Variants in GRAMD1B observed in about 807,000 individuals in gnomAD.
GRAMD1B encodes protein Aster-B.
GRAMD1B carries 37 observed loss-of-function variants against 99.7 expected under a neutral mutation model. The ratio of observed to expected loss-of-function variants is 0.37; its 90% CI spans 0.29 to 0.49. GRAMD1B has a LOEUF of 0.49. Ranked by LOEUF, GRAMD1B falls within the 20% of genes least tolerant of loss-of-function variation. GRAMD1B has a pLI of 0.98. For synonymous variants in GRAMD1B, 427 were observed against 387.6 expected (o/e 1.10, Z -1.19); for missense variants, 888 against 1,009.2 (o/e 0.88, Z 1.63).
At position 123,614,957 on chromosome 11, in the gene GRAMD1B, C is replaced by T. The variant is rs986306199; in HGVS notation, c.2318+122C>T. 6.9e-6 allele frequency: 4 copies of T among 581,898 alleles called. No homozygotes were observed. The African/African-American group carries it at 7.4e-5, about 11-fold the overall frequency. 36.0% of individuals were successfully genotyped at this position (581,898 alleles called of 1,614,324 possible). Reference sequence around the variant, plus strand: ...CTGTTTGCCCTGGTTTTTGCCTTATCCTCTAGTCTTCTCTGTCTGGATTGG... The same window carrying T: ...CTGTTTGCCCTGGTTTTTGCCTTATTCTCTAGTCTTCTCTGTCTGGATTGG... On this transcript the variant is annotated intron_variant, in intron 17 of 19. Transcript: ENST00000635736.
chr11:123,482,887 C>T (rs1401756861), intron 2 of GRAMD1B, among the ~76,000 whole-genome samples: 5 of 152,044 alleles, frequency 3.3e-5, no homozygotes, highest in Admixed American at 2.0e-4. Flanking sequence ...GGGGAAGCCC[C>T]GTCTCTACTA....
chr11:123,607,208 G>A (rs561688809), intron 11 of GRAMD1B, among the ~76,000 whole-genome samples: 1 of 152,186 alleles, frequency 6.6e-6, no homozygotes, highest in Non-Finnish European at 1.5e-5. Flanking sequence ...TTGCTGCATG[G>A]GGTATTTAGG....
At chr11:123,400,976 C>G (rs1565474895) in intron 1 of GRAMD1B, among the ~76,000 whole-genome samples, 1 of 152,120 alleles carries the variant, frequency 6.6e-6, no homozygotes, top group Non-Finnish European at 1.5e-5. Flanking sequence ...AAGCTAGTAC[C>G]TGAACTCAGA....
chr11:123,603,603 G>T lies in GRAMD1B; in HGVS notation c.1166+62G>T, dbSNP rs1479723273. The T allele has an allele frequency of 5.8e-5, 53 of 911,388 alleles. No individual in the cohort carries two copies. The South Asian group carries it at 6.9e-4, about 12-fold the overall frequency. 56.5% of individuals were successfully genotyped at this position (911,388 alleles called of 1,614,324 possible). The stretch of plus-strand genomic sequence containing the variant: ...GTGCGAGTGCCTGCAGGAAGAACCT[G>T]CCAGGCAGAGGGAACAGCACACATG... On this transcript the variant is annotated intron_variant, in intron 9 of 19. Coordinates refer to ENST00000635736, the MANE Select transcript of GRAMD1B (RefSeq NM_001387025.1).
At chr11:123,476,505 C>T (rs755738605) in intron 1 of GRAMD1B, among the ~76,000 whole-genome samples, 1 of 152,178 alleles carries the variant, frequency 6.6e-6, no homozygotes, top group Non-Finnish European at 1.5e-5. Flanking sequence ...CTGTATATAC[C>T]CTATGCCTGT....
At chr11:123,586,243 C>G (rs769759115) in intron 4 of GRAMD1B, among the ~76,000 whole-genome samples, 27 of 152,158 alleles carry the variant, frequency 1.8e-4, no homozygotes, top group Admixed American at 4.6e-4. Context: ...GTGACGGAGT[C>G]CTGCTTTCTG....
Position 123,432,548 on chromosome 11 carries a change from T to C in GRAMD1B, c.374+1382T>C, listed in dbSNP as rs540786123. 1.0e-4 allele frequency among the ~76,000 whole-genome samples: 12 copies of C among 118,918 alleles called. No homozygotes were observed. The South Asian group carries it at 3.5e-3, about 35-fold the overall frequency. 78.0% of individuals were successfully genotyped at this position (118,918 alleles called of 152,430 possible). On this transcript the variant is annotated intron_variant, in intron 1 of 19. Transcript: ENST00000635736. ...TCCAGCCTGGGCCACAGAGTGAGAC[T>C]CTGTCTCAAAAAAAAAAAAAAAAAT...
intron 2 of GRAMD1B, among the ~76,000 whole-genome samples, chr11:123,547,943 TC>T (rs1284199536): frequency 2.0e-5 from 3 of 152,208 alleles, no homozygotes; most frequent in Non-Finnish European, 1.5e-5. Flanking sequence ...ACTTTCACAC[TC>T]CTGCATTTGT....
chr11:123,543,771 C>G (rs1292042916), intron 2 of GRAMD1B, among the ~76,000 whole-genome samples: 6 of 152,312 alleles, frequency 3.9e-5, no homozygotes, highest in Non-Finnish European at 7.3e-5. Flanking sequence ...CTGATGCCAT[C>G]CTTTATCTCA....
At position 123,510,941 on chromosome 11, in the gene GRAMD1B, G is replaced by A. The variant is rs1940937296; in HGVS notation, c.452+30048G>A. Among the ~76,000 whole-genome samples, 1 of 152,134 alleles carries A rather than the reference G, an allele frequency of 6.6e-6. No individual in the cohort carries two copies. The highest frequency in any genetic ancestry group is 2.1e-4 in the South Asian group (1 of 4,822). ...TGGAAGTCGGAGTGGGTGGATGAGG[G>A]GTGCAGGGTGGGGGGTGGAGGTATC... On this transcript the variant is annotated intron_variant, in intron 2 of 19. Transcript: ENST00000635736. This position sits in a 1 kb window ranked among gnomAD's most constrained non-coding sequence, Gnocchi z 4.3.
chr11:123,366,245 C>A (rs1420684947), intron 1 of GRAMD1B, among the ~76,000 whole-genome samples: 1 of 152,166 alleles, frequency 6.6e-6, no homozygotes, highest in Non-Finnish European at 1.5e-5. Flanking sequence ...GTTAGATCAA[C>A]CCAAGCTGAA....
chr11:123,485,922 G>T (rs190737003), intron 2 of GRAMD1B, among the ~76,000 whole-genome samples: 14 of 152,094 alleles, frequency 9.2e-5, no homozygotes, highest in East Asian at 5.8e-4. Flanking sequence ...CACCATGTTG[G>T]CCAGGCTGGT....
intron 1 of GRAMD1B, among the ~76,000 whole-genome samples, chr11:123,419,332 T>C (rs749804288): frequency 6.6e-6 from 1 of 152,166 alleles, no homozygotes; most frequent in East Asian, 1.9e-4. Context: ...TCATTTATTT[T>C]TGGATTAACA....
rs1008237762 is a variant in GRAMD1B at position 123,626,243 on chromosome 11, A to G, written c.*3648A>G. ...AAGATAGGGTTTGGATTTAGTATGA[A>G]GCTTTGGCTAAAACCCTTGGGTTTG... On this transcript the variant is annotated 3_prime_UTR_variant, in exon 20 of 20. Coordinates refer to ENST00000635736, the MANE Select transcript of GRAMD1B (RefSeq NM_001387025.1). The G allele has an allele frequency of 6.6e-6, 1 of 152,136 alleles. No individual in the cohort carries two copies. Among genetic ancestry groups the G allele is most frequent in the Non-Finnish European group, 1.5e-5 (1 of 68,028 alleles). The allele number at this position is 152,136 out of a possible 1,614,324, so 9.4% of individuals were successfully genotyped here.
In GRAMD1B at chr11:123,535,959, G is replaced by A. The variant is rs189534993; in HGVS notation, c.453-41408G>A. Among the ~76,000 whole-genome samples the A allele has an allele frequency of 1.4e-4, 22 of 152,262 alleles. No homozygotes were observed. The East Asian group carries it at 3.5e-3, about 24-fold the overall frequency. On this transcript the variant is annotated intron_variant, in intron 2 of 19. Coordinates refer to ENST00000635736, the MANE Select transcript of GRAMD1B (RefSeq NM_001387025.1). ...GGCTATGCTTCTCAGCAGGTGCCTC[G>A]TTGTTGCAGTGTGGGGATAAATGGC... is the stretch of plus-strand genomic sequence containing the variant.
chr11:123,551,497 T>C (rs1181208921), intron 2 of GRAMD1B, among the ~76,000 whole-genome samples: 3 of 152,188 alleles, frequency 2.0e-5, no homozygotes, highest in African/African-American at 7.2e-5. Context: ...CAGATGGGAC[T>C]TCTACTGAGG....
intron 1 of GRAMD1B, among the ~76,000 whole-genome samples, chr11:123,440,017 G>A (rs775595947): frequency 3.3e-5 from 5 of 152,152 alleles, no homozygotes; most frequent in African/African-American, 9.7e-5. Context: ...GAGGGGGAGC[G>A]CCCAGTTTGG....
chr11:123,558,718 G>A (rs186978046), intron 2 of GRAMD1B, among the ~76,000 whole-genome samples: 2 of 152,322 alleles, frequency 1.3e-5, no homozygotes, highest in Admixed American at 6.5e-5. Context: ...GGCTGAAATT[G>A]GGGCATTGCC....
At chr11:123,618,179 T>G (rs1369773802) in intron 17 of GRAMD1B, among the ~76,000 whole-genome samples, 1 of 152,188 alleles carries the variant, frequency 6.6e-6, no homozygotes, top group Admixed American at 6.5e-5. Context: ...TCTTGTGCCC[T>G]GTCCTTGCTG....
Sources: gnomAD v4.1 joint callset for allele counts (sites outside exome capture counted in the v4.1 genomes callset) on GRCh38, gnomAD v4.1.1 for gene constraint, Gnocchi (gnomAD v3.1) non-coding constraint, MANE v1.5 for transcripts, NCBI Gene and HGNC (gene_info 2026-07-23, HGNC 2026-07-21) for gene names.